The following CAMTA1 variants were observed in gnomAD, a reference collection of about 807,000 sequenced individuals.
CAMTA1 encodes calmodulin-binding transcription activator 1.
Under a neutral mutation model 170.9 loss-of-function variants are expected in CAMTA1, and 27 were observed. The ratio of observed to expected loss-of-function variants is 0.16; its 90% confidence interval spans 0.12 to 0.22. The LOEUF is 0.22. Among genes scored for constraint, CAMTA1 ranks in the 10% least tolerant of loss-of-function variants. The pLI is 1.00. For missense variants in CAMTA1, 1,619 were observed against 2,217.2 expected, an observed-to-expected ratio of 0.73 and a Z score of 5.42; for synonymous variants, 833 against 891.5, an observed-to-expected ratio of 0.93 and a Z score of 1.17.
chr1:7,581,506 A>G (rs2095260441), intron 6 of CAMTA1, among the ~76,000 whole-genome samples: 1 of 152,328 alleles, frequency 6.6e-6, no homozygotes, highest in East Asian at 1.9e-4. Context: ...TACAGAAACA[A>G]TGGTGGGGCT....
intron 11 of CAMTA1, among the ~76,000 whole-genome samples, chr1:7,686,364 G>A (rs1320017137): frequency 6.6e-6 from 1 of 152,160 alleles, no homozygotes; most frequent in African/African-American, 2.4e-5. Flanking sequence ...TATTCAAGCT[G>A]GGGTATGAGT....
Position 6,831,598 on chromosome 1 carries a change from A to T in CAMTA1, c.234+6388A>T, listed in dbSNP as rs1001776409. Among the ~76,000 whole-genome samples the T allele has an allele frequency of 2.6e-5, 4 of 152,254 alleles. No homozygotes were observed. In the East Asian group the frequency reaches 7.7e-4, roughly 29 times the overall value. On this transcript the variant is annotated intron_variant, in intron 3 of 22. Coordinates refer to ENST00000303635, the MANE Select transcript of CAMTA1 (RefSeq NM_015215.4). ...TCCAAAGCCAAACTAATGCAGCACC[A>T]TGAACCTTTTATAATGAAAATGTTC... is the stretch of plus-strand genomic sequence containing the variant.
chr1:7,321,002 A>G (rs751028553), intron 5 of CAMTA1, among the ~76,000 whole-genome samples: 4 of 152,186 alleles, frequency 2.6e-5, no homozygotes, highest in East Asian at 1.9e-4. Flanking sequence ...GTCTTTCCCA[A>G]TGCATAGTTA....
intron 3 of CAMTA1, among the ~76,000 whole-genome samples, chr1:6,939,593 A>G (rs1046898449): frequency 3.3e-5 from 5 of 152,166 alleles, no homozygotes; most frequent in Non-Finnish European, 1.5e-5. Flanking sequence ...TCCAGCCTGC[A>G]GGGGTCCTGC....
At chr1:6,961,020 C>T (rs553227129) in intron 3 of CAMTA1, among the ~76,000 whole-genome samples, 2 of 152,288 alleles carry the variant, frequency 1.3e-5, no homozygotes, top group South Asian at 4.1e-4. Context: ...GTTTTAAACC[C>T]AGGCAGCCTG....
chr1:7,018,144 T>TTTTTTTTTTTTTTTTTG (rs1553219179), intron 3 of CAMTA1, among the ~76,000 whole-genome samples: 15 of 151,304 alleles, frequency 9.9e-5, no homozygotes, highest in African/African-American at 1.2e-4. Flanking sequence ...CAGGGCTTTT[T>TTTTTTTTTTTTTTTTTG]AACAGATGGT....
intron 4 of CAMTA1, among the ~76,000 whole-genome samples, chr1:7,190,523 A>T (rs1456597019): frequency 6.6e-6 from 1 of 152,354 alleles, no homozygotes; most frequent in East Asian, 1.9e-4. Flanking sequence ...AAATAGGCAG[A>T]GTTAGTTGAC....
In CAMTA1 at chr1:7,680,257, C is replaced by G. The variant is rs1209489719; in HGVS notation, c.2914+2524C>G. Reference sequence around the variant, plus strand: ...CCGCCTGTCCCTCCCGGCCCCTCCCCTCGGTCTCCGCAGCTTCTCGGCTCA... The same window carrying G: ...CCGCCTGTCCCTCCCGGCCCCTCCCGTCGGTCTCCGCAGCTTCTCGGCTCA... On this transcript the variant is annotated intron_variant, in intron 11 of 22. Transcript: ENST00000303635. This position sits in a 1 kb window ranked among gnomAD's most constrained non-coding sequence, Gnocchi z 4.4. The G allele has an allele frequency of 4.3e-6, 1 of 234,240 alleles. No individual in the cohort carries two copies. Among genetic ancestry groups the G allele is most frequent in the Non-Finnish European group, 9.2e-6 (1 of 109,278 alleles). The allele number at this position is 234,240 out of a possible 1,614,324, so 14.5% of individuals were successfully genotyped here. A position where few individuals can be genotyped will look rare whatever the true frequency, so the allele number is the denominator to read the frequency against.
intron 7 of CAMTA1, among the ~76,000 whole-genome samples, chr1:7,661,294 T>C (rs1194430213): frequency 6.6e-6 from 1 of 152,186 alleles, no homozygotes; most frequent in Non-Finnish European, 1.5e-5. Flanking sequence ...GGCTCGGTGC[T>C]TGTTGGTCCA....
At chr1:7,643,162 TCA>T (rs2095778227) in intron 7 of CAMTA1, among the ~76,000 whole-genome samples, 5 of 152,176 alleles carry the variant, frequency 3.3e-5, no homozygotes, top group African/African-American at 9.7e-5. Context: ...AAACAAGTCT[TCA>T]GTCAGGAGGA....
intron 6 of CAMTA1, among the ~76,000 whole-genome samples, chr1:7,546,187 A>C (rs908006749): frequency 1.4e-4 from 21 of 151,952 alleles, no homozygotes; most frequent in Admixed American, 4.6e-4. Flanking sequence ...CGATCTCCTG[A>C]CCTCGTGATC....
chr1:6,944,485 T>C (rs1046963778), intron 3 of CAMTA1, among the ~76,000 whole-genome samples: 1 of 152,118 alleles, frequency 6.6e-6, no homozygotes, highest in Non-Finnish European at 1.5e-5. Context: ...GAGCTCCTGC[T>C]CTTGCTCAGA....
chr1:6,930,495 T>C (rs539841761), intron 3 of CAMTA1, among the ~76,000 whole-genome samples: 41 of 152,322 alleles, frequency 2.7e-4, no homozygotes, highest in African/African-American at 9.9e-4. Flanking sequence ...ATTGTGGGTT[T>C]TCTCAGCCAA....
At chr1:7,305,860 C>A (rs186684829) in intron 5 of CAMTA1, among the ~76,000 whole-genome samples, 122 of 151,986 alleles carry the variant, frequency 8.0e-4, no homozygotes, top group African/African-American at 2.9e-3. Flanking sequence ...TTTTAATAGG[C>A]GTGTACTGGT....
At chr1:7,440,940 G>A (rs909044131) in intron 5 of CAMTA1, among the ~76,000 whole-genome samples, 2 of 152,134 alleles carry the variant, frequency 1.3e-5, no homozygotes, top group African/African-American at 4.8e-5. Flanking sequence ...CTCCTACCTC[G>A]TGCCCTTGCG....
At position 6,970,340 on chromosome 1, in the gene CAMTA1, A is replaced by T. The variant is rs1389430591; in HGVS notation, c.235-120964A>T. ...CTGCTTTGCTTGCACGACGTGCCAT[A>T]AGCATCCTCCATATGTATTGGAGCC... On this transcript the variant is annotated intron_variant, in intron 3 of 22. Transcript: ENST00000303635. This position sits in a 1 kb window ranked among gnomAD's most constrained non-coding sequence, Gnocchi z 4.4. 2.0e-5 allele frequency among the ~76,000 whole-genome samples: 3 copies of T among 152,086 alleles called. No individual in the cohort carries two copies. Among genetic ancestry groups the T allele is most frequent in the Admixed American group, 2.0e-4 (3 of 15,270 alleles).
chr1:7,373,479 T>C (rs2086630738), intron 5 of CAMTA1, among the ~76,000 whole-genome samples: 1 of 152,128 alleles, frequency 6.6e-6, no homozygotes, highest in African/African-American at 2.4e-5. Flanking sequence ...GCCTCTCCCC[T>C]ACTCGGGGGA....
chr1:6,966,020 T>G (rs1025709512), intron 3 of CAMTA1, among the ~76,000 whole-genome samples: 1 of 151,618 alleles, frequency 6.6e-6, no homozygotes, highest in Non-Finnish European at 1.5e-5. Flanking sequence ...ATCTCGGGGA[T>G]GGGGAGGGGA....
At chr1:7,164,752 T>C (rs1379304097) in intron 4 of CAMTA1, among the ~76,000 whole-genome samples, 1 of 152,260 alleles carries the variant, frequency 6.6e-6, no homozygotes, top group Non-Finnish European at 1.5e-5. Flanking sequence ...TTCACCTTCA[T>C]AAAGGATGAT....
Sources: allele counts gnomAD v4.1 joint callset (sites outside exome capture counted in the v4.1 genomes callset), GRCh38; gene constraint gnomAD v4.1.1; non-coding constraint Gnocchi (gnomAD v3.1); transcripts MANE v1.5; gene names NCBI Gene and HGNC (gene_info 2026-07-23, HGNC 2026-07-21).